The following NFKBID variants were observed in gnomAD, a reference collection of about 807,000 sequenced individuals.
The protein encoded by NFKBID is NFKB inhibitor delta.
Under a neutral mutation model 53.4 loss-of-function variants are expected in NFKBID, and 26 were observed. The observed-to-expected ratio is 0.49, with a 90% CI of 0.36 to 0.68. The LOEUF is 0.68. NFKBID is among the 30% of genes least tolerant of loss of function. The pLI is 0.00. For missense variants in NFKBID, 493 were observed against 614.1 expected (o/e 0.80, Z 2.08); for synonymous variants, 262 against 259.8 (o/e 1.01, Z -0.08).
At chr19:35,888,284 G>C (rs1215506087) in exon 12 of NFKBID, 1 of 447,078 alleles carries the variant, frequency 2.2e-6, no homozygotes, top group Non-Finnish European at 4.1e-6. Context: ...AGTGGGGAAA[G>C]GACTAGGGGT....
chr19:35,900,735 G>T, upstream of NFKBID: 10 of 929,218 alleles, frequency 1.1e-5, no homozygotes, highest in Non-Finnish European at 1.4e-5. Flanking sequence ...CCAGATCTTT[G>T]CTCTGAAGGA....
intron 11 of NFKBID, 50 bp from the exon 12 acceptor site, chr19:35,888,662 G>C (rs1273868767): frequency 2.1e-6 from 3 of 1,421,522 alleles, no homozygotes; most frequent in Admixed American, 2.0e-5. Context: ...TGGAAGGAGA[G>C]GTGGGGAAGG....
chr19:35,890,857 C>T (rs1054617860), intron 9 of NFKBID, among the ~76,000 whole-genome samples: 1 of 148,148 alleles, frequency 6.8e-6, no homozygotes, highest in Non-Finnish European at 1.5e-5. Flanking sequence ...GAGTGACACT[C>T]TATCTCAAAA....
At chr19:35,892,885 G>T (rs1452811487) in intron 9 of NFKBID, among the ~76,000 whole-genome samples, 1 of 152,216 alleles carries the variant, frequency 6.6e-6, no homozygotes, top group African/African-American at 2.4e-5. Flanking sequence ...ATTATAGGTA[G>T]CTGGGCACAG....
Position 35,896,357 on chromosome 19 carries a change from C to A in NFKBID, c.831+35G>T. ...CCAAAATCTGGGCAACCAGTCTACC[C>A]CCCAGACAAACCCCTGCCTGCCAGC... On this transcript the variant is annotated intron_variant, in intron 7 of 11. Transcript: ENST00000641389. The surrounding 1 kb of genome is among the most constrained non-coding windows in gnomAD (Gnocchi z 5.7). 1 of 1,614,060 alleles carries A rather than the reference C, an allele frequency of 6.2e-7. No individual in the cohort carries two copies. The highest frequency in any genetic ancestry group is 1.1e-5 in the South Asian group (1 of 91,082).
intron 1 of NFKBID, 39 bp downstream of exon 1, chr19:35,900,403 C>A (rs1042644305): frequency 5.2e-5 from 64 of 1,222,950 alleles, no homozygotes; most frequent in Non-Finnish European, 6.3e-5. Context: ...GTCCCTCACT[C>A]TCTTAGGGGG....
exon 4 of NFKBID, chr19:35,897,811 G>A: frequency 6.3e-7 from 1 of 1,587,784 alleles, no homozygotes; most frequent in Middle Eastern, 1.7e-4. Flanking sequence ...CAGGCTGCTA[G>A]GTCCAGAACC....
chr19:35,897,831 C>A, exon 4 of NFKBID: 3 of 1,563,556 alleles, frequency 1.9e-6, no homozygotes, highest in Non-Finnish European at 2.6e-6. Context: ...CCACAGTCTC[C>A]GAGTGTGCTG....
intron 9 of NFKBID, among the ~76,000 whole-genome samples, chr19:35,894,759 C>A (rs1019278769): frequency 2.0e-5 from 3 of 151,926 alleles, no homozygotes; most frequent in Admixed American, 2.0e-4. Context: ...TTTGGGAAGC[C>A]GAGGCAGGAA....
At position 35,897,066 on chromosome 19, in the gene NFKBID, A is replaced by T. The variant is rs2146962176; in HGVS notation, c.433-8T>A. The T allele has an allele frequency of 6.3e-7, 1 of 1,598,492 alleles. No individual in the cohort carries two copies. Among genetic ancestry groups the T allele is most frequent in the East Asian group, 2.2e-5 (1 of 44,810 alleles). ...AACTCTCCAGGGTCCAGCCTGTGGC[A>T]GAGAAGATCCTACATAGAACTGGGT... On this transcript the variant is annotated splice_polypyrimidine_tract_variant and splice_region_variant and intron_variant, in intron 4 of 11. Transcript: ENST00000641389.
chr19:35,897,842 G>C, exon 4 of NFKBID: 1 of 1,552,372 alleles, frequency 6.4e-7, no homozygotes, highest in Non-Finnish European at 8.7e-7. Flanking sequence ...GAGTGTGCTG[G>C]GAAGGGAGGG....
At chr19:35,895,351 G>T (rs931597182) in intron 9 of NFKBID, among the ~76,000 whole-genome samples, 4 of 151,728 alleles carry the variant, frequency 2.6e-5, no homozygotes, top group Admixed American at 6.6e-5. Flanking sequence ...AGCCAGGCAT[G>T]GTGGCGTGCG....
At position 35,896,071 on chromosome 19, in the gene NFKBID, T is replaced by G. The variant is rs1975120594; in HGVS notation, c.941A>C (p.Asp314Ala). 1.2e-6 allele frequency: 2 copies of G among 1,613,926 alleles called. No homozygotes were observed. The highest frequency in any genetic ancestry group is 1.7e-6 in the Non-Finnish European group (2 of 1,179,936). ...TGTGCTCAGCACCCGGGGACAGAGG[T>G]CGGAAGGGCGCATAGCAACGTTAAG... The change falls in exon 9 of 12, where the codon GAC becomes GCC. Residue 314 changes from aspartate to alanine, a missense_variant. Asp to Ala is a moderately radical substitution (Grantham distance 126). Transcript: ENST00000641389. This position sits in a 1 kb window ranked among gnomAD's most constrained non-coding sequence, Gnocchi z 5.7.
At chr19:35,893,031 A>C (rs1368704333) in intron 9 of NFKBID, among the ~76,000 whole-genome samples, 1 of 151,978 alleles carries the variant, frequency 6.6e-6, no homozygotes, top group Non-Finnish European at 1.5e-5. Flanking sequence ...TAGCCGGGTG[A>C]GGTGGCTCAT....
At chr19:35,888,580 C>T (rs371927376) in exon 12 of NFKBID, 29 of 1,571,668 alleles carry the variant, frequency 1.8e-5, no homozygotes, top group African/African-American at 9.5e-5. Flanking sequence ...GGCCTGGCGG[C>T]GCCACACGGC....
intron 9 of NFKBID, among the ~76,000 whole-genome samples, chr19:35,892,495 G>C (rs1408721948): frequency 6.7e-6 from 1 of 149,952 alleles, no homozygotes; most frequent in Admixed American, 6.7e-5. Flanking sequence ...AGTGAACCAA[G>C]ACTGTGCCAC....
intron 9 of NFKBID, among the ~76,000 whole-genome samples, chr19:35,891,600 GGCT>G (rs776360960): frequency 1.3e-5 from 2 of 152,128 alleles, no homozygotes; most frequent in Non-Finnish European, 2.9e-5. Context: ...AGGGCACAGG[GGCT>G]CATGCCTGTA....
At chr19:35,893,253 G>A (rs1239470443) in intron 9 of NFKBID, among the ~76,000 whole-genome samples, 1 of 152,180 alleles carries the variant, frequency 6.6e-6, no homozygotes, top group Non-Finnish European at 1.5e-5. Context: ...AATTCTGAGT[G>A]AAGAAACGAA....
At chr19:35,889,064 T>C (rs1042010019) in intron 11 of NFKBID, among the ~76,000 whole-genome samples, 1 of 143,294 alleles carries the variant, frequency 7.0e-6, no homozygotes, top group Non-Finnish European at 1.5e-5. Context: ...AAAAAAGATT[T>C]GGGAAGGAGG....
Sources: allele counts gnomAD v4.1 joint callset (sites outside exome capture counted in the v4.1 genomes callset), GRCh38; gene constraint gnomAD v4.1.1; non-coding constraint Gnocchi (gnomAD v3.1); transcripts MANE v1.5; gene names NCBI Gene and HGNC (gene_info 2026-07-23, HGNC 2026-07-21).